The following OR1J2 variants were observed in gnomAD, a reference collection of about 807,000 sequenced individuals.
OR1J2 encodes the protein olfactory receptor family 1 subfamily J member 2.
For missense variants in OR1J2, 304 were observed against 246.1 expected, an observed-to-expected ratio of 1.24 and a Z score of -1.57; for synonymous variants, 142 against 99.7, an observed-to-expected ratio of 1.42 and a Z score of -2.52.
chr9:122,550,948 T>C, the OR1J2 span, among the ~76,000 whole-genome samples: 2 of 151,714 alleles, frequency 1.3e-5, no homozygotes, highest in Non-Finnish European at 2.9e-5. Context: ...ACATCCAAAT[T>C]GGAAAAAGGA....
the OR1J2 span, among the ~76,000 whole-genome samples, chr9:122,494,489 T>C: frequency 6.6e-6 from 1 of 152,180 alleles, no homozygotes; most frequent in Non-Finnish European, 1.5e-5. Flanking sequence ...TTTTCTGATA[T>C]AAGAAAAGCT....
the OR1J2 span, among the ~76,000 whole-genome samples, chr9:122,533,364 A>G: frequency 0.24 from 36,894 of 152,074 alleles, 4,759 homozygotes; most frequent in East Asian, 0.39. Context: ...CTTTTAAAGC[A>G]TGCTGTGAGA....
chr9:122,462,341 G>C, the OR1J2 span, among the ~76,000 whole-genome samples: 1 of 152,110 alleles, frequency 6.6e-6, no homozygotes, highest in Non-Finnish European at 1.5e-5. Flanking sequence ...GAAGACAGAA[G>C]ATACTTGGCT....
chr9:122,481,747 G>C, the OR1J2 span, among the ~76,000 whole-genome samples: 1 of 152,164 alleles, frequency 6.6e-6, no homozygotes, highest in East Asian at 1.9e-4. Context: ...ATTGCTATAA[G>C]ATGGTTAAAT....
At chr9:122,509,114 A>G (rs68077786), upstream of OR1J2, among the ~76,000 whole-genome samples, 14,726 of 152,242 alleles carry the variant, frequency 0.097, 771 homozygotes, top group Middle Eastern at 0.11. Flanking sequence ...TAAGCTCCCC[A>G]TTTTAAAGTC....
At chr9:122,531,884 T>C in the OR1J2 span, among the ~76,000 whole-genome samples, 1 of 152,180 alleles carries the variant, frequency 6.6e-6, no homozygotes, top group Non-Finnish European at 1.5e-5. Flanking sequence ...GGGAAAGGCC[T>C]CTACCTATCC....
downstream of OR1J2, among the ~76,000 whole-genome samples, chr9:122,515,285 C>T (rs1218433037): frequency 6.6e-6 from 1 of 151,442 alleles, no homozygotes; most frequent in Non-Finnish European, 1.5e-5. Flanking sequence ...GAAACCAGTC[C>T]ATACTCCCAG....
chr9:122,477,983 G>T, the OR1J2 span: 1 of 1,223,134 alleles, frequency 8.2e-7, no homozygotes, highest in East Asian at 2.3e-5. Context: ...GGTATGTCTT[G>T]GAATAAGAAA....
chr9:122,476,927 C>T, the OR1J2 span: 6 of 960,684 alleles, frequency 6.2e-6, no homozygotes, highest in South Asian at 1.4e-5. Context: ...AGGCTGGTCT[C>T]GAACTCCTGA....
chr9:122,453,200 A>T, the OR1J2 span, among the ~76,000 whole-genome samples: 1 of 152,172 alleles, frequency 6.6e-6, no homozygotes, highest in African/African-American at 2.4e-5. Context: ...TGCAGTGTGC[A>T]GAACCATGAG....
At chr9:122,550,619 C>G in the OR1J2 span, among the ~76,000 whole-genome samples, 1 of 151,604 alleles carries the variant, frequency 6.6e-6, no homozygotes, top group Admixed American at 6.6e-5. Context: ...AAATGTGATT[C>G]ACCACATAAA....
At chr9:122,483,862 A>C in the OR1J2 span, among the ~76,000 whole-genome samples, 3 of 152,222 alleles carry the variant, frequency 2.0e-5, no homozygotes, top group Non-Finnish European at 4.4e-5. Flanking sequence ...ACATTCTCTA[A>C]AAAATGTTAT....
At chr9:122,459,825 G>A in the OR1J2 span, among the ~76,000 whole-genome samples, 1 of 152,038 alleles carries the variant, frequency 6.6e-6, no homozygotes, top group East Asian at 1.9e-4. Context: ...GTCAATGTGT[G>A]GTCTTTGCTC....
At chr9:122,536,206 G>C in the OR1J2 span, among the ~76,000 whole-genome samples, 3 of 152,118 alleles carry the variant, frequency 2.0e-5, no homozygotes, top group Non-Finnish European at 4.4e-5. Flanking sequence ...CTGTGTAAAT[G>C]CATCTCCTTG....
At chr9:122,466,615 G>A in the OR1J2 span, among the ~76,000 whole-genome samples, 2 of 152,082 alleles carry the variant, frequency 1.3e-5, no homozygotes, top group African/African-American at 4.8e-5. Context: ...CATAACACTA[G>A]GCAGAGACTC....
the OR1J2 span, among the ~76,000 whole-genome samples, chr9:122,474,753 T>C: frequency 6.6e-6 from 1 of 152,212 alleles, no homozygotes; most frequent in African/African-American, 2.4e-5. Flanking sequence ...TACATATGCT[T>C]CTATGGCAAG....
chr9:122,540,455 G>GT, the OR1J2 span, among the ~76,000 whole-genome samples: 1 of 151,976 alleles, frequency 6.6e-6, no homozygotes, highest in Admixed American at 6.6e-5. Context: ...TGAGGGCTCT[G>GT]TTCTGTTCCA....
At chr9:122,519,989 A>C in the OR1J2 span, 2 of 1,614,178 alleles carry the variant, frequency 1.2e-6, no homozygotes. Context: ...TGATCACCCC[A>C]TTGCTGAATC....
chr9:122,532,041 G>T, the OR1J2 span, among the ~76,000 whole-genome samples: 4 of 102,624 alleles, frequency 3.9e-5, no homozygotes, highest in Non-Finnish European at 9.2e-5. Flanking sequence ...TCCCTGGGAA[G>T]TAGTAGAATA....
Sources: allele counts gnomAD v4.1 joint callset (sites outside exome capture counted in the v4.1 genomes callset), GRCh38; gene constraint gnomAD v4.1.1; transcripts MANE v1.5; gene names NCBI Gene and HGNC (gene_info 2026-07-23, HGNC 2026-07-21).